APOBEC3G: variants seen among roughly 807,000 people sequenced by gnomAD.
APOBEC3G encodes the protein DNA dC->dU-editing enzyme APOBEC-3G.
APOBEC3G carries 44 observed loss-of-function variants against 50.0 expected under a neutral mutation model. The observed-to-expected ratio is 0.88, with a 90% CI of 0.69 to 1.13. The LOEUF is 1.13. APOBEC3G is among the 50% of genes most tolerant of loss of function. The pLI, the probability that APOBEC3G is intolerant of heterozygous loss-of-function variation, is 0.00. For missense variants in APOBEC3G, 469 were observed against 492.0 expected (o/e 0.95, Z 0.44); for synonymous variants, 156 against 175.3 (o/e 0.89, Z 0.87).
chr22:39,079,556 C>A (rs1220971781), intron 2 of APOBEC3G: 1 of 154,230 alleles, frequency 6.5e-6, no homozygotes, highest in Non-Finnish European at 1.4e-5. Flanking sequence ...CTTCTGACCT[C>A]AGGTGATCCA....
At chr22:39,078,128 G>A (rs570501523) in intron 1 of APOBEC3G, among the ~76,000 whole-genome samples, 28 of 152,210 alleles carry the variant, frequency 1.8e-4, no homozygotes, top group South Asian at 8.3e-4. Context: ...GTGTGGTGGC[G>A]GGCGCCTGTA....
intron 4 of APOBEC3G, among the ~76,000 whole-genome samples, 162 bp from the exon 5 acceptor site, chr22:39,083,569 C>G (rs2294367): frequency 0.44 from 67,404 of 151,640 alleles, 17,391 homozygotes; most frequent in East Asian, 0.65. Flanking sequence ...TTTGGAGGCT[C>G]TAGCAAGTGA....
intron 5 of APOBEC3G, among the ~76,000 whole-genome samples, chr22:39,085,122 C>G (rs962158446): frequency 6.6e-6 from 1 of 152,312 alleles, no homozygotes; most frequent in Non-Finnish European, 1.5e-5. Flanking sequence ...CACTGGACTC[C>G]TGGGCTTGAC....
Position 39,081,366 on chromosome 22 carries a change from C to T in APOBEC3G, c.467-105C>T, listed in dbSNP as rs947494519. On this transcript the variant is annotated intron_variant, in intron 3 of 7. Transcript: ENST00000407997. ...GGGGAGCCTGTGGGGTTGGGTCTGG[C>T]GCTGACTGTAACTAGTATCTAGAAT... The T allele has an allele frequency of 1.6e-5, 24 of 1,527,286 alleles. No individual in the cohort carries two copies. In the East Asian group the frequency reaches 1.6e-4, roughly 10 times the overall value. 94.6% of individuals were successfully genotyped at this position (1,527,286 alleles called of 1,614,324 possible). A position where few individuals can be genotyped will look rare whatever the true frequency, so the allele number is the denominator to read the frequency against.
Position 39,077,341 on chromosome 22 carries a change from G to T in APOBEC3G, c.-21G>T, listed in dbSNP as rs1459219612. On this transcript the variant is annotated 5_prime_UTR_variant, in exon 1 of 8. Transcript: ENST00000407997. ...CCTGGTGCTCCAGACAAAGATCTTAGTCGGGACTAGCCGGCCAAGGATGAA... is the reference window on the plus strand; with the variant it reads ...CCTGGTGCTCCAGACAAAGATCTTATTCGGGACTAGCCGGCCAAGGATGAA... 6.4e-7 allele frequency: 1 copy of T among 1,572,916 alleles called. No homozygotes were observed.
intron 4 of APOBEC3G, chr22:39,083,001 C>T (rs964223476): frequency 6.6e-6 from 1 of 152,302 alleles, no homozygotes; most frequent in African/African-American, 2.4e-5. Context: ...CGGACATGAC[C>T]CCTCAGCTGA....
chr22:39,080,948 A>G lies in APOBEC3G; in HGVS notation c.187A>G (p.Lys63Glu), dbSNP rs1450955017. ...IFRGQVYSEL[K>E]YHPEMRFFHW... ...CCTCTCCCAGGTGTATTCCGAACTT[A>G]AGTACCACCCAGAGATGAGATTCTT... Residue 63 changes from lysine to glutamate, a missense_variant, in exon 3 of 8, where the codon AAG becomes GAG. Transcript: ENST00000407997. 1.2e-6 allele frequency: 2 copies of G among 1,612,400 alleles called. No individual in the cohort carries two copies. The highest frequency in any genetic ancestry group is 2.7e-5 in the African/African-American group (2 of 74,398).
rs558352041 is a variant in APOBEC3G at position 39,083,626 on chromosome 22, G to A, written c.582-105G>A. The A allele has an allele frequency of 7.3e-6, 10 of 1,361,812 alleles. No individual in the cohort carries two copies. In the South Asian group the frequency reaches 8.0e-5, roughly 11 times the overall value. The allele number at this position is 1,361,812 out of a possible 1,614,324, so 84.4% of individuals were successfully genotyped here. ...TGCTAAGGGATGTGGGGAGCCGGGG[G>A]AAGGAAGGAGGGTGGGGTGCAAGGG... On this transcript the variant is annotated intron_variant, in intron 4 of 7. Transcript: ENST00000407997.
chr22:39,080,540 C>G (rs914107909), intron 2 of APOBEC3G: 1 of 206,930 alleles, frequency 4.8e-6, no homozygotes, highest in Non-Finnish European at 9.9e-6. Flanking sequence ...GACAGAGTGG[C>G]CTGGGATGTC....
intron 7 of APOBEC3G, 125 bp from the exon 8 acceptor site, chr22:39,087,282 C>G: frequency 6.3e-7 from 1 of 1,597,982 alleles, no homozygotes. Context: ...CACAGCCTCC[C>G]TTTCTCTCCC....
chr22:39,087,613 A>G lies in APOBEC3G; in HGVS notation c.*192A>G. ...GTGCATTACTTTGAATCAAAAATTT[A>G]TTTATATTTCAAGAATAAAGTACTA... is the stretch of plus-strand genomic sequence containing the variant. On this transcript the variant is annotated 3_prime_UTR_variant, in exon 8 of 8. Transcript: ENST00000407997. 8.8e-7 allele frequency: 1 copy of G among 1,141,258 alleles called. No individual in the cohort carries two copies. Among genetic ancestry groups the G allele is most frequent in the African/African-American group, 1.6e-5 (1 of 63,548 alleles). 70.7% of individuals were successfully genotyped at this position (1,141,258 alleles called of 1,614,324 possible).
rs1352792591 is a variant in APOBEC3G, at chr22:39,083,878, C to T, written c.729C>T (p.Cys243=). Residue 243 remains cysteine, a synonymous_variant, in exon 5 of 8, where the codon TGC becomes TGT. Coordinates refer to ENST00000407997, the MANE Select transcript of APOBEC3G (RefSeq NM_021822.4). ...TGAACCAGCGCAGGGGCTTTCTATGCAACCAGGTGACCAACCCAGCCACCC... is the reference window on the plus strand; with the variant it reads ...TGAACCAGCGCAGGGGCTTTCTATGTAACCAGGTGACCAACCCAGCCACCC... ...VLLNQRRGFL[C]NQAPHKHGFL... The T allele has an allele frequency of 5.6e-6, 9 of 1,612,724 alleles. No homozygotes were observed. The highest frequency in any genetic ancestry group is 7.6e-6 in the Non-Finnish European group (9 of 1,179,216).
intron 4 of APOBEC3G, 30 bp from the exon 5 acceptor site, chr22:39,083,701 A>T: frequency 6.2e-7 from 1 of 1,609,568 alleles, no homozygotes; most frequent in Non-Finnish European, 8.5e-7. Flanking sequence ...GAGGGCTCTT[A>T]CTCCTCTGGG....
intron 1 of APOBEC3G, among the ~76,000 whole-genome samples, chr22:39,077,656 CCTGGGAGGGTGCT>C (rs2146290204): frequency 6.6e-6 from 1 of 152,348 alleles, no homozygotes; most frequent in South Asian, 2.1e-4. Context: ...TGCTCCCGGC[CCTGGGAGGGTGCT>C]CCCTCTGTGT....
In APOBEC3G at chr22:39,080,704, C is replaced by T. The variant is rs1241369734; in HGVS notation, c.172-229C>T. 10 of 551,810 alleles carry T rather than the reference C, an allele frequency of 1.8e-5. No individual in the cohort carries two copies. The African/African-American group carries it at 1.9e-4, about 10-fold the overall frequency. The allele number at this position is 551,810 out of a possible 1,614,324, so 34.2% of individuals were successfully genotyped here. On this transcript the variant is annotated intron_variant, in intron 2 of 7. Transcript: ENST00000407997. ...CCCACAAAGGTGCAGTTCCCACAGC[C>T]TCATAGCTGCTTGTAGGTGCCACCT...
chr22:39,080,594 T>A (rs186411594), intron 2 of APOBEC3G: 137 of 292,854 alleles, frequency 4.7e-4, no homozygotes, highest in African/African-American at 2.8e-3. Flanking sequence ...GGAAGCAGTT[T>A]AGTCTGACAT....
At chr22:39,077,185 G>A, upstream of APOBEC3G, 6 of 974,186 alleles carry the variant, frequency 6.2e-6, no homozygotes, top group South Asian at 9.6e-5. Context: ...GACTGAGGAA[G>A]ATAAAGCGTC....
chr22:39,085,210 C>T (rs775608952), intron 5 of APOBEC3G, among the ~76,000 whole-genome samples: 1 of 152,254 alleles, frequency 6.6e-6, no homozygotes, highest in Non-Finnish European at 1.5e-5. Context: ...GACTGGGGCC[C>T]TTCCCAATGT....
Position 39,086,417 on chromosome 22 carries a change from G to A in APOBEC3G, c.874G>A (p.Ala292Thr). The change falls in exon 6 of 8, where the codon GCC becomes ACC. Residue 292 changes from alanine (A) to threonine (T), a missense_variant. Physicochemically the swap from Ala to Thr is moderately conservative, Grantham distance 58. Coordinates refer to ENST00000407997, the MANE Select transcript of APOBEC3G (RefSeq NM_021822.4). ...FTSWSPCFSC[A>T]QEMAKFISKN... ...CTCCTGGAGCCCCTGCTTCAGCTGT[G>A]CCCAGGAAATGGCTAAATTCATTTC... 6.2e-7 allele frequency: 1 copy of A among 1,614,164 alleles called. No individual in the cohort carries two copies. The highest frequency in any genetic ancestry group is 8.5e-7 in the Non-Finnish European group (1 of 1,180,032).
Sources: allele counts gnomAD v4.1 joint callset (sites outside exome capture counted in the v4.1 genomes callset), GRCh38; gene constraint gnomAD v4.1.1; transcripts MANE v1.5; gene names NCBI Gene and HGNC (gene_info 2026-07-23, HGNC 2026-07-21).